The following TIAM1 variants were observed in gnomAD, a reference collection of about 807,000 sequenced individuals.
TIAM1 encodes the protein rho guanine nucleotide exchange factor TIAM1.
A neutral mutation model predicts 163.5 loss-of-function variants in TIAM1; 65 were observed. The ratio of observed to expected loss-of-function variants is 0.40; its 90% CI spans 0.33 to 0.49. TIAM1 has a LOEUF of 0.49. Ranked by LOEUF, TIAM1 falls within the 20% of genes least tolerant of loss-of-function variation. TIAM1 has a pLI of 0.77. For missense variants in TIAM1, 1,789 were observed against 2,044.7 expected, an observed-to-expected ratio of 0.87 and a Z score of 2.41; for synonymous variants, 833 against 810.1, an observed-to-expected ratio of 1.03 and a Z score of -0.48.
At chr21:31,306,708 G>C (rs1400707895) in intron 2 of TIAM1, among the ~76,000 whole-genome samples, 1 of 152,218 alleles carries the variant, frequency 6.6e-6, no homozygotes, top group Non-Finnish European at 1.5e-5. Context: ...ACAACAACTT[G>C]CCTGGACTCT....
intron 9 of TIAM1, among the ~76,000 whole-genome samples, chr21:31,213,806 G>C (rs1313275913): frequency 6.8e-6 from 1 of 146,184 alleles, no homozygotes; most frequent in African/African-American, 2.6e-5. Flanking sequence ...GAGGCGGGAG[G>C]ACTGCTTGAG....
chr21:31,265,995 T>C lies in TIAM1; in HGVS notation c.963+15A>G. 1 of 1,608,016 alleles carries C rather than the reference T, an allele frequency of 6.2e-7. No individual in the cohort carries two copies. The highest frequency in any genetic ancestry group is 8.5e-7 in the Non-Finnish European group (1 of 1,176,278). On this transcript the variant is annotated intron_variant, in intron 4 of 27. Coordinates refer to ENST00000541036, the MANE Select transcript of TIAM1 (RefSeq NM_001353694.2). ...ACCATTCCCAAAATATTGAAACAAA[T>C]TTCAATCACTTTACCTGAGTTGTTT...
At position 31,172,024 on chromosome 21, in the gene TIAM1, T is replaced by A. The variant is rs77571715; in HGVS notation, c.2888-6959A>T. On this transcript the variant is annotated intron_variant, in intron 15 of 27. Transcript: ENST00000541036. ...ACCAGCTGAGTCTGGCCCAAACTGCTGAGCCACAGAACAGTGAGCAAGTAA... is the reference window on the plus strand; with the variant it reads ...ACCAGCTGAGTCTGGCCCAAACTGCAGAGCCACAGAACAGTGAGCAAGTAA... Among the ~76,000 whole-genome samples the A allele has an allele frequency of 3.6e-3, 551 of 152,296 alleles. 4 individuals are homozygous for A. Among genetic ancestry groups the A allele is most frequent in the African/African-American group, 0.012 (511 of 41,566 alleles).
At chr21:31,531,760 TAA>T (rs60258369) in intron 1 of TIAM1, among the ~76,000 whole-genome samples, 1,457 of 144,128 alleles carry the variant, frequency 0.01, 17 homozygotes, top group African/African-American at 0.033. Flanking sequence ...ATACAGGAGT[TAA>T]AAAAAAAAAA....
intron 2 of TIAM1, among the ~76,000 whole-genome samples, chr21:31,386,842 C>G (rs1217762031): frequency 6.6e-6 from 1 of 152,220 alleles, no homozygotes; most frequent in Non-Finnish European, 1.5e-5. Context: ...AGAATAACTA[C>G]AGGATACAGG....
intron 20 of TIAM1, among the ~76,000 whole-genome samples, chr21:31,144,381 C>T (rs2083004257): frequency 6.6e-6 from 1 of 152,246 alleles, no homozygotes; most frequent in Non-Finnish European, 1.5e-5. Flanking sequence ...CGACTGAATT[C>T]CATATCAGAG....
At chr21:31,167,730 G>A (rs1377061576) in intron 15 of TIAM1, among the ~76,000 whole-genome samples, 1 of 152,114 alleles carries the variant, frequency 6.6e-6, no homozygotes, top group Non-Finnish European at 1.5e-5. Context: ...TGGCTCCTGA[G>A]CACCAAACGA....
intron 1 of TIAM1, among the ~76,000 whole-genome samples, chr21:31,524,191 T>C (rs1450615218): frequency 6.6e-6 from 1 of 152,128 alleles, no homozygotes; most frequent in Non-Finnish European, 1.5e-5. Flanking sequence ...AGAGGTTTAA[T>C]TGGCTCATGG....
At chr21:31,172,636 A>G (rs539449414) in intron 15 of TIAM1, among the ~76,000 whole-genome samples, 1 of 152,322 alleles carries the variant, frequency 6.6e-6, no homozygotes, top group East Asian at 1.9e-4. Context: ...CTAGAGAGAC[A>G]AAGTCTCAGG....
chr21:31,238,882 G>A (rs896627923), intron 6 of TIAM1, among the ~76,000 whole-genome samples: 2 of 152,076 alleles, frequency 1.3e-5, no homozygotes, highest in East Asian at 1.9e-4. Context: ...TGTAAGCCTC[G>A]ACTTCAACAA....
chr21:31,249,121 C>T (rs1005310660), intron 5 of TIAM1, among the ~76,000 whole-genome samples: 3 of 152,266 alleles, frequency 2.0e-5, no homozygotes, highest in South Asian at 2.1e-4. Flanking sequence ...ATCCAGTTAG[C>T]TCAGAATATG....
upstream of TIAM1, among the ~76,000 whole-genome samples, chr21:31,346,815 A>G (rs909094829): frequency 2.0e-5 from 3 of 152,156 alleles, no homozygotes; most frequent in Non-Finnish European, 2.9e-5. Context: ...GTGGGCTTAC[A>G]CGGGGAGCAC....
chr21:31,163,772 T>C (rs1456817040), intron 16 of TIAM1, among the ~76,000 whole-genome samples: 1 of 151,984 alleles, frequency 6.6e-6, no homozygotes, highest in African/African-American at 2.4e-5. Context: ...AAATCCAATC[T>C]CCAAGCAAAG....
At chr21:31,163,659 G>A (rs2084044677) in intron 16 of TIAM1, among the ~76,000 whole-genome samples, 1 of 152,106 alleles carries the variant, frequency 6.6e-6, no homozygotes. Flanking sequence ...AATCAAAACA[G>A]GAAATGTACA....
chr21:31,133,469 C>T (rs1601211811), intron 23 of TIAM1, among the ~76,000 whole-genome samples: 1 of 152,214 alleles, frequency 6.6e-6, no homozygotes, highest in Non-Finnish European at 1.5e-5. Flanking sequence ...GAGACAGCAC[C>T]CACACCGACT....
intron 1 of TIAM1, among the ~76,000 whole-genome samples, chr21:31,530,974 C>T (rs992476145): frequency 1.3e-5 from 2 of 152,096 alleles, no homozygotes; most frequent in Non-Finnish European, 1.5e-5. Flanking sequence ...CACTGACTTA[C>T]GCCCCACAGA....
At chr21:31,204,135 A>G (rs573579388) in intron 11 of TIAM1, among the ~76,000 whole-genome samples, 4 of 152,368 alleles carry the variant, frequency 2.6e-5, no homozygotes, top group African/African-American at 9.6e-5. Context: ...ATGCTCTCCA[A>G]AAGTTACACA....
intron 15 of TIAM1, among the ~76,000 whole-genome samples, chr21:31,177,623 G>C (rs1265276060): frequency 6.6e-6 from 1 of 152,146 alleles, no homozygotes; most frequent in African/African-American, 2.4e-5. Context: ...CAATGACTGA[G>C]TTCCAAAGAA....
Position 31,422,797 on chromosome 21 carries a change from A to G in TIAM1, c.-369+41186T>C, listed in dbSNP as rs148441758. On this transcript the variant is annotated intron_variant, in intron 2 of 28. Transcript: ENST00000286827. ...GGGTTCCTCTCCCTGCCATGGACAT[A>G]TTGGCTTTCTAAAGAAAGTTTGTTC... 7.9e-5 allele frequency among the ~76,000 whole-genome samples: 12 copies of G among 152,208 alleles called. No individual in the cohort carries two copies. In the East Asian group the frequency reaches 1.9e-3, roughly 25 times the overall value.
Sources: gnomAD v4.1 joint callset for allele counts (sites outside exome capture counted in the v4.1 genomes callset) on GRCh38, gnomAD v4.1.1 for gene constraint, MANE v1.5 for transcripts, NCBI Gene and HGNC (gene_info 2026-07-23, HGNC 2026-07-21) for gene names.